Variants in MTHFD1L observed in about 807,000 individuals in gnomAD.
MTHFD1L encodes methylenetetrahydrofolate dehydrogenase (NADP+ dependent) 1 like.
Under a neutral mutation model 119.5 loss-of-function variants are expected in MTHFD1L, and 81 were observed. The observed-to-expected ratio is 0.68, with a 90% confidence interval of 0.57 to 0.82. The LOEUF (loss-of-function observed/expected upper bound fraction) is 0.82. MTHFD1L is among the 40% of genes least tolerant of loss of function. The probability of loss-of-function intolerance (pLI) is 0.00; values close to 1 mark genes in which losing one functional copy is unlikely to be tolerated. For synonymous variants in MTHFD1L, 430 were observed against 475.2 expected, an observed-to-expected ratio of 0.90 and a Z score of 1.24; for missense variants, 1,125 against 1,253.4, an observed-to-expected ratio of 0.90 and a Z score of 1.55.
At chr6:150,968,335 G>C (rs922707461) in intron 19 of MTHFD1L, among the ~76,000 whole-genome samples, 1 of 151,980 alleles carries the variant, frequency 6.6e-6, no homozygotes. Flanking sequence ...ATAATTAAGT[G>C]AATGTTTATT....
intron 26 of MTHFD1L, among the ~76,000 whole-genome samples, chr6:151,084,060 T>C (rs1254077902): frequency 1.3e-5 from 2 of 152,224 alleles, no homozygotes; most frequent in African/African-American, 4.8e-5. Flanking sequence ...AGAAATTCAC[T>C]TCCTCAGAAA....
chr6:150,874,993 C>T (rs562690247), intron 1 of MTHFD1L, among the ~76,000 whole-genome samples: 62 of 152,132 alleles, frequency 4.1e-4, no homozygotes, highest in African/African-American at 1.3e-3. Flanking sequence ...TGTGATCCAC[C>T]CGCCTCAGCT....
chr6:150,980,272 G>T (rs1426149144), intron 20 of MTHFD1L, among the ~76,000 whole-genome samples: 3 of 152,162 alleles, frequency 2.0e-5, no homozygotes, highest in African/African-American at 7.2e-5. Flanking sequence ...CTCTAAGGGA[G>T]GGTTGTTTTG....
At chr6:151,064,404 C>A (rs1489664297) in intron 26 of MTHFD1L, among the ~76,000 whole-genome samples, 1 of 151,992 alleles carries the variant, frequency 6.6e-6, no homozygotes, top group African/African-American at 2.4e-5. Context: ...CCTCCGCCCC[C>A]CCGGATTCGA....
At chr6:150,972,346 G>T (rs558139237) in intron 20 of MTHFD1L, among the ~76,000 whole-genome samples, 1 of 152,202 alleles carries the variant, frequency 6.6e-6, no homozygotes, top group South Asian at 2.1e-4. Context: ...ACTGAGCTTC[G>T]GTTTTCTTGT....
chr6:150,973,110 C>A (rs1776013069), intron 20 of MTHFD1L, among the ~76,000 whole-genome samples: 1 of 152,214 alleles, frequency 6.6e-6, no homozygotes, highest in South Asian at 2.1e-4. Flanking sequence ...TCCCATTAAC[C>A]ACACGTATAC....
chr6:150,970,126 C>G (rs1797817755), intron 19 of MTHFD1L, among the ~76,000 whole-genome samples: 1 of 152,166 alleles, frequency 6.6e-6, no homozygotes, highest in African/African-American at 2.4e-5. Context: ...TCATCAAGGG[C>G]CACATCCTTA....
rs576972139 is a variant in MTHFD1L at position 151,022,733 on chromosome 6, A to G, written c.2586+7040A>G. ...AGCCTGAGTCAGTAGCCCTTTCTTC[A>G]GCGCTCCCTCTTCTCCTGTTGTGCA... On this transcript the variant is annotated intron_variant, in intron 24 of 27. Transcript: ENST00000367321. 2.0e-5 allele frequency among the ~76,000 whole-genome samples: 3 copies of G among 152,182 alleles called. No homozygotes were observed. The East Asian group carries it at 5.8e-4, about 29-fold the overall frequency.
intron 26 of MTHFD1L, among the ~76,000 whole-genome samples, chr6:151,042,954 G>A (rs1787353574): frequency 6.6e-6 from 1 of 152,202 alleles, no homozygotes; most frequent in Non-Finnish European, 1.5e-5. Context: ...AAGAGAGTGA[G>A]AACACACACG....
chr6:150,994,633 A>C (rs1779578221), intron 20 of MTHFD1L, among the ~76,000 whole-genome samples: 1 of 152,174 alleles, frequency 6.6e-6, no homozygotes, highest in African/African-American at 2.4e-5. Context: ...TGACCAGCCC[A>C]CCCTTTCATT....
rs1206977154 is a variant in MTHFD1L at position 150,905,669 on chromosome 6, T to C, written c.800T>C (p.Val267Ala). The C allele has an allele frequency of 6.2e-7, 1 of 1,613,988 alleles. No individual in the cohort carries two copies. Among genetic ancestry groups the C allele is most frequent in the Non-Finnish European group, 8.5e-7 (1 of 1,179,924 alleles). Residue 267 changes from valine (V) to alanine (A), a missense_variant, in exon 8 of 28, where the codon GTG (valine) becomes GCG (alanine). By Grantham distance (64) the Val-to-Ala change is moderately conservative. Transcript: ENST00000367321. ...TTTTAGCTTCACGAGGCTGACATTG[T>C]GGTCCTAGGCTCACCTAAGCCAGAA... Reference protein sequence around the residue: ...LQSKLHEADIVVLGSPKPEEI... With the variant: ...LQSKLHEADIAVLGSPKPEEI...
At chr6:150,915,894 G>A (rs1179274183) in intron 8 of MTHFD1L, among the ~76,000 whole-genome samples, 5 of 152,020 alleles carry the variant, frequency 3.3e-5, no homozygotes, top group South Asian at 2.1e-4. Context: ...GTGAGCCACC[G>A]CACCCGGATG....
At chr6:151,017,678 C>T (rs1435736823) in intron 24 of MTHFD1L, among the ~76,000 whole-genome samples, 4 of 151,898 alleles carry the variant, frequency 2.6e-5, no homozygotes, top group African/African-American at 2.4e-5. Flanking sequence ...TGAATACGCT[C>T]CCATTCTTTG....
At chr6:150,950,606 A>G (rs1794703847) in intron 16 of MTHFD1L, among the ~76,000 whole-genome samples, 1 of 152,058 alleles carries the variant, frequency 6.6e-6, no homozygotes, top group African/African-American at 2.4e-5. Flanking sequence ...CCAGACCCAA[A>G]AGCTCTGCCC....
At chr6:150,972,560 C>T (rs186032133) in intron 20 of MTHFD1L, among the ~76,000 whole-genome samples, 34 of 152,272 alleles carry the variant, frequency 2.2e-4, no homozygotes, top group Admixed American at 2.0e-3. Context: ...GAGGATTGCT[C>T]GAGCCCAGGA....
At chr6:150,945,204 TC>T (rs1793725825) in intron 14 of MTHFD1L, among the ~76,000 whole-genome samples, 1 of 152,268 alleles carries the variant, frequency 6.6e-6, no homozygotes, top group Non-Finnish European at 1.5e-5. Flanking sequence ...AGATACATCT[TC>T]ATATGGTAGT....
At chr6:150,894,015 G>C (rs1438133933) in intron 7 of MTHFD1L, among the ~76,000 whole-genome samples, 1 of 152,178 alleles carries the variant, frequency 6.6e-6, no homozygotes, top group East Asian at 1.9e-4. Flanking sequence ...AGGCTGAGGA[G>C]GGCAGATTGC....
chr6:151,013,861 A>C (rs762847535), intron 22 of MTHFD1L, 41 bp downstream of exon 22: 1 of 1,559,814 alleles, frequency 6.4e-7, no homozygotes, highest in Non-Finnish European at 8.8e-7. Flanking sequence ...AGAATCTCTT[A>C]AATCCAGTGA....
Position 150,924,666 on chromosome 6 carries a change from C to T in MTHFD1L, c.1083-1456C>T, listed in dbSNP as rs561319849. 8.6e-5 allele frequency among the ~76,000 whole-genome samples: 13 copies of T among 152,042 alleles called. No individual in the cohort carries two copies. In the East Asian group the frequency reaches 2.3e-3, roughly 27 times the overall value. On this transcript the variant is annotated intron_variant, in intron 10 of 27. Coordinates refer to ENST00000367321, the MANE Select transcript of MTHFD1L (RefSeq NM_015440.5). ...AATTTGTTTGTATTTTTAGTAGAGA[C>T]GGGATTTTGCTATGTTGGCCAGGCT...
Sources: gnomAD v4.1 joint callset for allele counts (sites outside exome capture counted in the v4.1 genomes callset) on GRCh38, gnomAD v4.1.1 for gene constraint, MANE v1.5 for transcripts, NCBI Gene and HGNC (gene_info 2026-07-23, HGNC 2026-07-21) for gene names.